PCDHA2: variants seen among roughly 807,000 people sequenced by gnomAD.
PCDHA2 encodes the protein protocadherin alpha 2.
In PCDHA2, 58 loss-of-function variants were observed where a neutral mutation model predicts 66.0. That is an observed-to-expected ratio of 0.88 (90% CI 0.71 to 1.09). PCDHA2 has a LOEUF of 1.09. PCDHA2 is among the 50% of genes least tolerant of loss of function. The pLI is 0.00. For synonymous variants in PCDHA2, 634 were observed against 554.0 expected, an observed-to-expected ratio of 1.14 and a Z score of -2.03; for missense variants, 1,267 against 1,242.3, an observed-to-expected ratio of 1.02 and a Z score of -0.30.
chr5:140,950,874 G>C (rs1237864508), intron 1 of PCDHA2, among the ~76,000 whole-genome samples: 20 of 151,700 alleles, frequency 1.3e-4, no homozygotes, highest in African/African-American at 4.8e-4. Flanking sequence ...ATTCTATATT[G>C]TTCAATAGGT....
intron 1 of PCDHA2, chr5:140,802,604 G>A (rs1186324887): frequency 4.3e-6 from 7 of 1,613,984 alleles, no homozygotes; most frequent in African/African-American, 1.3e-5. Context: ...AGAACAACCC[G>A]CCGGGCTGCC....
At chr5:140,963,701 AG>A (rs1226096855) in intron 1 of PCDHA2, among the ~76,000 whole-genome samples, 2 of 152,218 alleles carry the variant, frequency 1.3e-5, no homozygotes, top group Non-Finnish European at 1.5e-5. Flanking sequence ...TGATATCTAA[AG>A]GGCCATGCTA....
chr5:140,980,021 A>C (rs1472439975), intron 2 of PCDHA2, among the ~76,000 whole-genome samples: 2 of 152,248 alleles, frequency 1.3e-5, no homozygotes. Context: ...AAATGAGCAG[A>C]AATCATTACA....
intron 1 of PCDHA2, among the ~76,000 whole-genome samples, chr5:140,950,285 C>T (rs1314594266): frequency 1.3e-5 from 2 of 151,926 alleles, no homozygotes; most frequent in African/African-American, 4.8e-5. Context: ...TTTGCTTCAA[C>T]CTGAAAAACT....
chr5:140,902,114 A>G (rs2069112413), intron 1 of PCDHA2, among the ~76,000 whole-genome samples: 1 of 151,286 alleles, frequency 6.6e-6, no homozygotes. Flanking sequence ...TTTTTTTAAA[A>G]CTGAGATTAT....
chr5:140,822,923 A>G (rs2150120429), intron 1 of PCDHA2: 3 of 1,614,152 alleles, frequency 1.9e-6, no homozygotes, highest in South Asian at 2.2e-5. Context: ...GCCAACGGGC[A>G]GGTGACCTGC....
chr5:140,974,182 A>G (rs2096618692), intron 1 of PCDHA2, among the ~76,000 whole-genome samples: 1 of 152,248 alleles, frequency 6.6e-6, no homozygotes, highest in Non-Finnish European at 1.5e-5. Context: ...AACTTGACAA[A>G]TGCAAAGGAA....
chr5:140,993,463 CACACA>C (rs1563592057), intron 3 of PCDHA2, among the ~76,000 whole-genome samples: 16 of 7,580 alleles, frequency 2.1e-3, no homozygotes, highest in African/African-American at 9.9e-3. Flanking sequence ...CTTTCTTTCT[CACACA>C]CACACACACA....
chr5:140,824,869 T>G (rs2150137478), intron 1 of PCDHA2: 15 of 152,136 alleles, frequency 9.9e-5, no homozygotes, highest in Admixed American at 3.3e-4. Flanking sequence ...ATTGTATTTT[T>G]GCAGCATATG....
At chr5:140,918,313 T>C (rs1406314903) in intron 1 of PCDHA2, among the ~76,000 whole-genome samples, 3 of 152,146 alleles carry the variant, frequency 2.0e-5, no homozygotes, top group African/African-American at 7.2e-5. Context: ...GTTTTCTAGG[T>C]ATAAAATTAT....
chr5:140,959,646 G>A (rs1222418847), intron 1 of PCDHA2, among the ~76,000 whole-genome samples: 5 of 152,010 alleles, frequency 3.3e-5, no homozygotes, highest in Admixed American at 6.6e-5. Context: ...AAACACAGAA[G>A]CAAAATTGAA....
intron 1 of PCDHA2, among the ~76,000 whole-genome samples, chr5:140,831,814 A>G (rs1771713108): frequency 6.6e-6 from 1 of 152,202 alleles, no homozygotes; most frequent in Non-Finnish European, 1.5e-5. Context: ...TAAAGTTGGA[A>G]TGATAAACAC....
intron 1 of PCDHA2, among the ~76,000 whole-genome samples, chr5:140,923,219 C>T (rs557006469): frequency 1.3e-5 from 2 of 152,094 alleles, no homozygotes; most frequent in East Asian, 1.9e-4. Context: ...GTGAAAGGAT[C>T]GTTTGAGCCC....
At chr5:140,808,669 G>A (rs138044837) in intron 1 of PCDHA2, 1 of 1,612,884 alleles carries the variant, frequency 6.2e-7, no homozygotes. Flanking sequence ...CCTACTCGCT[G>A]GTAGAGCGGC....
intron 1 of PCDHA2, chr5:140,866,969 G>A (rs533294537): frequency 6.6e-6 from 1 of 152,230 alleles, no homozygotes; most frequent in South Asian, 2.1e-4. Context: ...GGTGACATCT[G>A]AAATATCACA....
At chr5:140,807,971 A>G in intron 1 of PCDHA2, 1 of 1,613,976 alleles carries the variant, frequency 6.2e-7, no homozygotes, top group Non-Finnish European at 8.5e-7. Flanking sequence ...AACATTGGTA[A>G]TTAAACTTAA....
chr5:140,839,928 G>A (rs1237791336), intron 1 of PCDHA2, among the ~76,000 whole-genome samples: 1 of 152,036 alleles, frequency 6.6e-6, no homozygotes, highest in Non-Finnish European at 1.5e-5. Context: ...CTTGAACAAA[G>A]AGTGTGCCAA....
chr5:140,921,257 A>G lies in PCDHA2; in HGVS notation c.2389-57692A>G, dbSNP rs115706395. On this transcript the variant is annotated intron_variant, in intron 1 of 3. Coordinates refer to ENST00000526136, the MANE Select transcript of PCDHA2 (RefSeq NM_018905.3). The stretch of plus-strand genomic sequence containing the variant: ...ATTAAGCCACAGATCAAAAAGTCCT[A>G]GACTTTTATACTTACTTGAAAAAAA... 1.4e-3 allele frequency among the ~76,000 whole-genome samples: 213 copies of G among 152,258 alleles called. 1 individual carries two copies. The highest frequency in any genetic ancestry group is 4.8e-3 in the African/African-American group (199 of 41,532).
At chr5:140,924,507 C>T (rs2081871616) in intron 1 of PCDHA2, among the ~76,000 whole-genome samples, 1 of 152,168 alleles carries the variant, frequency 6.6e-6, no homozygotes, top group African/African-American at 2.4e-5. Context: ...CAATCCCACT[C>T]TTAGTGTTAA....
Sources: allele counts gnomAD v4.1 joint callset (sites outside exome capture counted in the v4.1 genomes callset), GRCh38; gene constraint gnomAD v4.1.1; transcripts MANE v1.5; gene names NCBI Gene and HGNC (gene_info 2026-07-23, HGNC 2026-07-21).